CTNNA3: variants seen among roughly 807,000 people sequenced by gnomAD.
The protein encoded by CTNNA3 is catenin alpha-3.
In CTNNA3, 76 loss-of-function variants were observed where a neutral mutation model predicts 95.7. That is an observed-to-expected ratio of 0.79 (90% CI 0.66 to 0.96). The LOEUF (loss-of-function observed/expected upper bound fraction) is 0.96. CTNNA3 is among the 40% of genes least tolerant of loss of function. The probability of loss-of-function intolerance (pLI) is 0.00; values close to 1 mark genes in which losing one functional copy is unlikely to be tolerated. For missense variants in CTNNA3, 1,191 were observed against 1,089.8 expected, an observed-to-expected ratio of 1.09 and a Z score of -1.31; for synonymous variants, 431 against 374.4, an observed-to-expected ratio of 1.15 and a Z score of -1.74.
chr10:66,023,037 AGT>A (rs2079254867), intron 15 of CTNNA3, among the ~76,000 whole-genome samples: 1 of 152,140 alleles, frequency 6.6e-6, no homozygotes, highest in Non-Finnish European at 1.5e-5. Context: ...TGTTTTAAAT[AGT>A]GTGTTTGCTT....
At chr10:66,832,937 T>C (rs552315226) in intron 7 of CTNNA3, among the ~76,000 whole-genome samples, 5 of 152,294 alleles carry the variant, frequency 3.3e-5, no homozygotes, top group Admixed American at 2.6e-4. Flanking sequence ...TCACATTCTA[T>C]TTGAGCTTGT....
At chr10:67,311,515 T>C (rs1840799345) in intron 5 of CTNNA3, among the ~76,000 whole-genome samples, 1 of 152,142 alleles carries the variant, frequency 6.6e-6, no homozygotes, top group South Asian at 2.1e-4. Flanking sequence ...CAGAAATTTC[T>C]AGAGTGATAG....
At chr10:67,308,774 T>C (rs1241214560) in intron 5 of CTNNA3, among the ~76,000 whole-genome samples, 7 of 152,156 alleles carry the variant, frequency 4.6e-5, no homozygotes, top group Admixed American at 4.6e-4. Context: ...ATTTGAAAGT[T>C]AAGGACATTG....
intron 14 of CTNNA3, chr10:66,098,820 G>T (rs2081501065): frequency 6.6e-6 from 1 of 152,150 alleles, no homozygotes; most frequent in Non-Finnish European, 1.5e-5. Context: ...TTGGTCCAGT[G>T]AGTATTCATG....
chr10:67,271,623 C>G (rs945806300), intron 5 of CTNNA3, among the ~76,000 whole-genome samples: 1 of 152,150 alleles, frequency 6.6e-6, no homozygotes, highest in African/African-American at 2.4e-5. Context: ...CCAAACAAGG[C>G]CTCCTCTCTG....
At chr10:66,216,724 T>A (rs925146482) in intron 13 of CTNNA3, among the ~76,000 whole-genome samples, 1 of 152,192 alleles carries the variant, frequency 6.6e-6, no homozygotes, top group African/African-American at 2.4e-5. Context: ...TTAAATATTA[T>A]ATTCACAAGA....
intron 9 of CTNNA3, among the ~76,000 whole-genome samples, chr10:66,761,235 G>A (rs1289171426): frequency 6.6e-6 from 1 of 152,024 alleles, no homozygotes; most frequent in East Asian, 1.9e-4. Context: ...TCACCATTTT[G>A]CGAGTGGGAA....
intron 2 of CTNNA3, among the ~76,000 whole-genome samples, chr10:67,636,265 G>A (rs1399187759): frequency 6.6e-6 from 1 of 152,126 alleles, no homozygotes; most frequent in East Asian, 1.9e-4. Context: ...TAGATTCACT[G>A]CTATTCCTAT....
chr10:66,872,893 A>T (rs1844470474), intron 7 of CTNNA3, among the ~76,000 whole-genome samples: 1 of 151,892 alleles, frequency 6.6e-6, no homozygotes, highest in Admixed American at 6.6e-5. Context: ...TGCCATCTTT[A>T]TGTCCATGTA....
chr10:67,251,412 A>G (rs1866104193), intron 5 of CTNNA3, among the ~76,000 whole-genome samples: 3 of 152,206 alleles, frequency 2.0e-5, no homozygotes, highest in South Asian at 2.1e-4. Context: ...ATTGATTGTC[A>G]TACATCTCTG....
At chr10:66,382,379 G>A (rs1397341375) in intron 11 of CTNNA3, among the ~76,000 whole-genome samples, 1 of 152,162 alleles carries the variant, frequency 6.6e-6, no homozygotes, top group Non-Finnish European at 1.5e-5. Context: ...GGCTGGGGAA[G>A]GGGAATCTGC....
At chr10:67,335,459 C>T (rs1341661401) in intron 5 of CTNNA3, among the ~76,000 whole-genome samples, 2 of 152,216 alleles carry the variant, frequency 1.3e-5, no homozygotes, top group African/African-American at 4.8e-5. Flanking sequence ...TGTTTTTGAA[C>T]TGTGTGGTGA....
intron 5 of CTNNA3, among the ~76,000 whole-genome samples, chr10:67,395,103 G>GA (rs1406730809): frequency 6.6e-6 from 1 of 152,012 alleles, no homozygotes; most frequent in Non-Finnish European, 1.5e-5. Flanking sequence ...CCTTAAACAT[G>GA]AAAAATTATA....
chr10:67,545,701 C>G (rs7075044), intron 3 of CTNNA3, among the ~76,000 whole-genome samples: 32,608 of 151,930 alleles, frequency 0.21, 6,132 homozygotes, highest in African/African-American at 0.51. Flanking sequence ...CATGAAGACA[C>G]CAAAACTGGA....
At chr10:66,617,816 T>C (rs1172443764) in intron 10 of CTNNA3, among the ~76,000 whole-genome samples, 1 of 151,758 alleles carries the variant, frequency 6.6e-6, no homozygotes, top group Non-Finnish European at 1.5e-5. Context: ...AAAACCCCAC[T>C]GTCTCAGCCC....
At chr10:67,732,889 C>CAA (rs1841283702) in intron 1 of CTNNA3, among the ~76,000 whole-genome samples, 1 of 109,140 alleles carries the variant, frequency 9.2e-6, no homozygotes, top group African/African-American at 7.3e-5. Flanking sequence ...CACTCACGCA[C>CAA]ACACACACAC....
At chr10:67,370,058 G>GTA (rs1843362728) in intron 5 of CTNNA3, among the ~76,000 whole-genome samples, 1 of 152,036 alleles carries the variant, frequency 6.6e-6, no homozygotes, top group Non-Finnish European at 1.5e-5. Flanking sequence ...ATGTATGTGT[G>GTA]TATATATATA....
At chr10:66,748,337 G>A (rs1186232938) in intron 9 of CTNNA3, among the ~76,000 whole-genome samples, 1 of 152,088 alleles carries the variant, frequency 6.6e-6, no homozygotes, top group Non-Finnish European at 1.5e-5. Flanking sequence ...TCATGTTTCT[G>A]TTCTGCTCCT....
In CTNNA3 at chr10:65,913,285, T is replaced by G. The variant is rs942780332; in HGVS notation, c.*7045A>C. The G allele has an allele frequency of 4.6e-5, 7 of 152,306 alleles. No homozygotes were observed. The highest frequency in any genetic ancestry group is 8.8e-5 in the Non-Finnish European group (6 of 68,022). The allele number at this position is 152,306 out of a possible 1,614,324, so 9.4% of individuals were successfully genotyped here. A position where few individuals can be genotyped will look rare whatever the true frequency, so the allele number is the denominator to read the frequency against. On this transcript the variant is annotated 3_prime_UTR_variant, in exon 18 of 18. Coordinates refer to ENST00000433211, the MANE Select transcript of CTNNA3 (RefSeq NM_013266.4). ...TGGAAAACAGGGGCATCTGGAAATC[T>G]TTCTCTAGAAGTTTTAATTCATATT... is the stretch of plus-strand genomic sequence containing the variant.
Sources: allele counts gnomAD v4.1 joint callset (sites outside exome capture counted in the v4.1 genomes callset), GRCh38; gene constraint gnomAD v4.1.1; transcripts MANE v1.5; gene names NCBI Gene and HGNC (gene_info 2026-07-23, HGNC 2026-07-21).